The following FLACC1 variants were observed in gnomAD, a reference collection of about 807,000 sequenced individuals.
The protein encoded by FLACC1 is flagellum associated containing coiled-coil domains 1.
In FLACC1, 66 loss-of-function variants were observed where a neutral mutation model predicts 62.8. That is an observed-to-expected ratio of 1.05 (90% CI 0.86 to 1.29). The LOEUF (loss-of-function observed/expected upper bound fraction) is 1.29, where lower values mean the gene tolerates loss of function less well. FLACC1 is among the 50% of genes most tolerant of loss of function. The probability of loss-of-function intolerance (pLI) is 0.00; values close to 1 mark genes in which losing one functional copy is unlikely to be tolerated. For missense variants in FLACC1, 452 were observed against 489.1 expected (o/e 0.92, Z 0.71); for synonymous variants, 156 against 161.0 (o/e 0.97, Z 0.24).
chr2:201,308,260 T>C (rs2125561744), intron 10 of FLACC1, among the ~76,000 whole-genome samples: 1 of 151,874 alleles, frequency 6.6e-6, no homozygotes, highest in East Asian at 1.9e-4. Flanking sequence ...GGGATGAGAG[T>C]CGTATGAGTA....
At chr2:201,307,711 A>G (rs1325106838) in intron 10 of FLACC1, 89 bp from the exon 11 acceptor site, 2 of 972,272 alleles carry the variant, frequency 2.1e-6, no homozygotes, top group Non-Finnish European at 3.3e-6. Context: ...GATAAAAGCA[A>G]TTCCAGACTG....
At chr2:201,334,540 T>C (rs981843661) in intron 7 of FLACC1, among the ~76,000 whole-genome samples, 2 of 152,110 alleles carry the variant, frequency 1.3e-5, no homozygotes, top group Admixed American at 6.5e-5. Context: ...TCTCAGCACT[T>C]TGGGAGGCCG....
At chr2:201,356,553 G>T (rs1275273441) in intron 1 of FLACC1, among the ~76,000 whole-genome samples, 1 of 152,162 alleles carries the variant, frequency 6.6e-6, no homozygotes, top group Non-Finnish European at 1.5e-5. Context: ...GATTTTTGGG[G>T]CATCCTTCCA....
chr2:201,302,242 C>CA (rs1006953070), intron 11 of FLACC1, among the ~76,000 whole-genome samples: 9 of 151,796 alleles, frequency 5.9e-5, no homozygotes, highest in Admixed American at 1.3e-4. Context: ...TAAGATCTAA[C>CA]AAAAAAATGG....
Position 201,351,179 on chromosome 2 carries a change from G to T in FLACC1, c.113+113C>A. 1.1e-5 allele frequency: 10 copies of T among 936,060 alleles called. No individual in the cohort carries two copies. In the South Asian group the frequency reaches 1.5e-4, roughly 14 times the overall value. The allele number at this position is 936,060 out of a possible 1,614,324, so 58.0% of individuals were successfully genotyped here. A position where few individuals can be genotyped will look rare whatever the true frequency, so the allele number is the denominator to read the frequency against. On this transcript the variant is annotated intron_variant, in intron 2 of 14. Coordinates refer to ENST00000392257, the MANE Select transcript of FLACC1 (RefSeq NM_001127391.3). ...AAGCTGGGGAAAGCGAGGCTTTCTGGCCCACCTGGGATTTTCCTGCCACAC... is the reference window on the plus strand; with the variant it reads ...AAGCTGGGGAAAGCGAGGCTTTCTGTCCCACCTGGGATTTTCCTGCCACAC...
chr2:201,292,293 A>T (rs1179440074), intron 12 of FLACC1, among the ~76,000 whole-genome samples: 2 of 152,246 alleles, frequency 1.3e-5, no homozygotes, highest in Non-Finnish European at 2.9e-5. Flanking sequence ...CGGGTTACCC[A>T]CAAAGGGAAG....
intron 7 of FLACC1, among the ~76,000 whole-genome samples, chr2:201,334,868 T>C (rs1950663370): frequency 6.6e-6 from 1 of 151,848 alleles, no homozygotes; most frequent in Admixed American, 6.6e-5. Context: ...GAAGAATTGA[T>C]GTTAGTTCTT....
At chr2:201,297,858 A>T (rs934023726) in intron 12 of FLACC1, among the ~76,000 whole-genome samples, 5 of 152,178 alleles carry the variant, frequency 3.3e-5, no homozygotes, top group African/African-American at 1.2e-4. Flanking sequence ...GGAGCCCTTA[A>T]ATCGGGCACC....
intron 4 of FLACC1, among the ~76,000 whole-genome samples, chr2:201,347,791 G>T (rs1463456326): frequency 6.6e-6 from 1 of 152,166 alleles, no homozygotes; most frequent in Non-Finnish European, 1.5e-5. Flanking sequence ...ACACCAGAAG[G>T]GTCGGGCCCA....
intron 11 of FLACC1, 135 bp downstream of exon 11, chr2:201,307,384 T>C (rs1180960262): frequency 8.6e-6 from 6 of 699,106 alleles, no homozygotes; most frequent in Non-Finnish European, 1.5e-5. Flanking sequence ...TTTGCATACA[T>C]TTCCAGAAAG....
At chr2:201,320,668 G>C (rs920841497) in intron 9 of FLACC1, among the ~76,000 whole-genome samples, 1 of 152,114 alleles carries the variant, frequency 6.6e-6, no homozygotes, top group Non-Finnish European at 1.5e-5. Flanking sequence ...GCTTCCACAG[G>C]GGCTGCTGCT....
intron 11 of FLACC1, among the ~76,000 whole-genome samples, chr2:201,305,480 T>C (rs1950083755): frequency 6.6e-6 from 1 of 152,178 alleles, no homozygotes; most frequent in Admixed American, 6.5e-5. Context: ...TTTTACACTG[T>C]TGGTGGGACT....
chr2:201,310,267 G>C (rs13015294), intron 9 of FLACC1, among the ~76,000 whole-genome samples: 1 of 151,568 alleles, frequency 6.6e-6, no homozygotes, highest in Non-Finnish European at 1.5e-5. Flanking sequence ...ATACCAAGGA[G>C]TATCTTAAAA....
chr2:201,345,465 T>G (rs1950893160), intron 5 of FLACC1, among the ~76,000 whole-genome samples: 1 of 151,258 alleles, frequency 6.6e-6, no homozygotes. Flanking sequence ...TGTGTGTGTG[T>G]GTGTGTGTGT....
chr2:201,350,767 T>G lies in FLACC1; in HGVS notation c.129A>C (p.Val43=). The G allele has an allele frequency of 6.2e-7, 1 of 1,613,204 alleles. No homozygotes were observed. Among genetic ancestry groups the G allele is most frequent in the Non-Finnish European group, 8.5e-7 (1 of 1,179,232 alleles). ...STGSSKLTPL[V]PAPKNHNYLQ... is the part of the protein sequence containing the mutation. The stretch of plus-strand genomic sequence containing the variant: ...GGTAATTGTGATTTTTTGGAGCTGG[T>G]ACAAGAGGAGTTAGCCTGAAAGTGA... Residue 43 remains valine, a synonymous_variant, in exon 3 of 15, where the codon GTA becomes GTC. Transcript: ENST00000392257.
intron 12 of FLACC1, among the ~76,000 whole-genome samples, chr2:201,296,535 A>T (rs1387318548): frequency 7.6e-6 from 1 of 131,438 alleles, no homozygotes; most frequent in Non-Finnish European, 1.6e-5. Context: ...GGGGGGAGGG[A>T]TAGCATTAGG....
chr2:201,289,452 C>T lies in FLACC1; in HGVS notation c.1142+5G>A, dbSNP rs771150599. ...CAGCTATGTCTTTTTCAGCAGCAGC[C>T]GCACTTCAGATGAATGTTCTCTTCC... On this transcript the variant is annotated splice_donor_5th_base_variant and intron_variant, in intron 14 of 14. Coordinates refer to ENST00000392257, the MANE Select transcript of FLACC1 (RefSeq NM_001127391.3). The T allele has an allele frequency of 1.8e-5, 29 of 1,612,662 alleles. No individual in the cohort carries two copies. The highest frequency in any genetic ancestry group is 9.3e-5 in the African/African-American group (7 of 74,896).
chr2:201,294,007 C>T (rs1290856891), intron 12 of FLACC1, among the ~76,000 whole-genome samples: 4 of 152,060 alleles, frequency 2.6e-5, no homozygotes, highest in East Asian at 1.9e-4. Context: ...CAATAACAGG[C>T]TCTGAAATTG....
chr2:201,340,630 T>C (rs1458779695), intron 7 of FLACC1, among the ~76,000 whole-genome samples: 1 of 152,240 alleles, frequency 6.6e-6, no homozygotes, highest in African/African-American at 2.4e-5. Flanking sequence ...TTTACTCTCA[T>C]ATTGGGATAA....
Sources: gnomAD v4.1 joint callset for allele counts (sites outside exome capture counted in the v4.1 genomes callset) on GRCh38, gnomAD v4.1.1 for gene constraint, MANE v1.5 for transcripts, NCBI Gene and HGNC (gene_info 2026-07-23, HGNC 2026-07-21) for gene names.